Variants in PALM2AKAP2 observed in about 807,000 individuals in gnomAD.
PALM2AKAP2 encodes the protein PALM2-AKAP2 fusion protein.
A neutral mutation model predicts 71.5 loss-of-function variants in PALM2AKAP2; 37 were observed. That is an observed-to-expected ratio of 0.52 (90% confidence interval 0.40 to 0.68). The LOEUF (loss-of-function observed/expected upper bound fraction) is 0.68. PALM2AKAP2 is among the 30% of genes least tolerant of loss of function. The pLI is 0.00. For missense variants in PALM2AKAP2, 1,224 were observed against 1,191.8 expected (o/e 1.03, Z -0.40); for synonymous variants, 468 against 478.8 (o/e 0.98, Z 0.29).
chr9:110,107,286 G>A (rs549257385), intron 1 of PALM2AKAP2, among the ~76,000 whole-genome samples: 2 of 152,254 alleles, frequency 1.3e-5, no homozygotes, highest in South Asian at 4.1e-4. Flanking sequence ...TCAAGATGAT[G>A]AATATGTTAA....
At position 109,665,485 on chromosome 9, in the gene PALM2AKAP2, C is replaced by T. The variant is rs148756050; in HGVS notation, c.5+24619C>T. On this transcript the variant is annotated intron_variant, in intron 1 of 6. Transcript: ENST00000374531. ...GTTGGAGTTTGCTAGAGTTGCACTC[C>T]GGACACTGTTTGCCTGGGTATCGCC... Among the ~76,000 whole-genome samples the T allele has an allele frequency of 2.4e-4, 36 of 152,272 alleles. No homozygotes were observed. The Middle Eastern group carries it at 0.014, about 58-fold the overall frequency.
rs772141961 is a variant in PALM2AKAP2, at chr9:110,096,004, G to A, written c.157-40123G>A. The stretch of plus-strand genomic sequence containing the variant: ...CATCAGCCCTGTGATATCTACAAGC[G>A]CATGCATGTGTCTGAGTGAAGTGAG... On this transcript the variant is annotated intron_variant, in intron 1 of 3. Coordinates refer to ENST00000374525, the Ensembl canonical transcript of PALM2AKAP2. 3.9e-5 allele frequency among the ~76,000 whole-genome samples: 6 copies of A among 152,318 alleles called. 2 individuals carry two copies. In the South Asian group the frequency reaches 8.3e-4, roughly 21 times the overall value.
chr9:109,691,159 C>A (rs1403491252), intron 1 of PALM2AKAP2, among the ~76,000 whole-genome samples: 1 of 130,436 alleles, frequency 7.7e-6, no homozygotes, highest in African/African-American at 3.0e-5. Context: ...ACCAATGTTG[C>A]ATTACTTTGA....
intron 3 of PALM2AKAP2, among the ~76,000 whole-genome samples, chr9:109,913,787 G>A (rs1830624785): frequency 6.9e-6 from 1 of 145,904 alleles, no homozygotes. Flanking sequence ...GACGGAGTCT[G>A]GCTCTGTTGC....
chr9:109,852,375 C>CT (rs1829044174), intron 1 of PALM2AKAP2, among the ~76,000 whole-genome samples: 1 of 152,170 alleles, frequency 6.6e-6, no homozygotes, highest in Non-Finnish European at 1.5e-5. Context: ...TGATTTCATT[C>CT]TTTTTTATGG....
At chr9:109,938,180 A>T (rs920089462) in intron 6 of PALM2AKAP2, among the ~76,000 whole-genome samples, 1 of 152,240 alleles carries the variant, frequency 6.6e-6, no homozygotes, top group Admixed American at 6.5e-5. Context: ...ATGCTTTTGT[A>T]TATTATTGGC....
intron 7 of PALM2AKAP2, among the ~76,000 whole-genome samples, chr9:110,030,536 C>G (rs560199824): frequency 6.6e-6 from 1 of 152,248 alleles, no homozygotes; most frequent in Admixed American, 6.5e-5. Context: ...TCTTCAGGTT[C>G]AGAATATCAA....
chr9:109,891,358 CCTT>C (rs1383455768), intron 3 of PALM2AKAP2, among the ~76,000 whole-genome samples: 2 of 152,194 alleles, frequency 1.3e-5, no homozygotes, highest in Admixed American at 6.5e-5. Flanking sequence ...CCACGTGCCT[CCTT>C]CTTGTTGGTC....
intron 1 of PALM2AKAP2, among the ~76,000 whole-genome samples, chr9:109,805,894 A>G (rs1008959987): frequency 5.3e-5 from 8 of 152,220 alleles, no homozygotes; most frequent in African/African-American, 1.9e-4. Flanking sequence ...CAGATCAAAC[A>G]TAGTAGCCTG....
At chr9:110,028,336 G>A (rs1833217825) in intron 7 of PALM2AKAP2, among the ~76,000 whole-genome samples, 1 of 151,540 alleles carries the variant, frequency 6.6e-6, no homozygotes, top group East Asian at 1.9e-4. Flanking sequence ...TTCGTGGCAA[G>A]TGAATAATCT....
chr9:109,645,342 C>T (rs1377502224), intron 1 of PALM2AKAP2, among the ~76,000 whole-genome samples: 1 of 152,090 alleles, frequency 6.6e-6, no homozygotes, highest in Non-Finnish European at 1.5e-5. Context: ...GAAAGGCCTG[C>T]CCCCATGATT....
chr9:110,146,392 G>A (rs1433592353), intron 2 of PALM2AKAP2, among the ~76,000 whole-genome samples: 1 of 152,128 alleles, frequency 6.6e-6, no homozygotes, highest in African/African-American at 2.4e-5. Context: ...GTGTGTCTGG[G>A]TTGGCTCCTG....
chr9:109,884,456 A>G (rs1011310884), intron 3 of PALM2AKAP2, among the ~76,000 whole-genome samples: 4 of 152,178 alleles, frequency 2.6e-5, no homozygotes, highest in Non-Finnish European at 4.4e-5. Flanking sequence ...GTGAGACTAC[A>G]TTTCAAAGAA....
chr9:109,914,713 T>C (rs892687774), intron 3 of PALM2AKAP2, among the ~76,000 whole-genome samples: 1 of 152,216 alleles, frequency 6.6e-6, no homozygotes, highest in Non-Finnish European at 1.5e-5. Flanking sequence ...TTACTGAGAT[T>C]CAAACCCATG....
chr9:110,060,981 GC>G (rs1202400748), intron 1 of PALM2AKAP2, among the ~76,000 whole-genome samples: 2 of 152,068 alleles, frequency 1.3e-5, no homozygotes, highest in Non-Finnish European at 2.9e-5. Context: ...AATTTTGAAG[GC>G]AATCTCTGCC....
At chr9:109,976,193 T>A (rs1300629672) in intron 6 of PALM2AKAP2, among the ~76,000 whole-genome samples, 2 of 152,278 alleles carry the variant, frequency 1.3e-5, no homozygotes, top group Middle Eastern at 3.4e-3. Flanking sequence ...CACTACAGAG[T>A]GCCAGGCACT....
intron 3 of PALM2AKAP2, among the ~76,000 whole-genome samples, chr9:109,915,274 T>C (rs1830659360): frequency 6.6e-6 from 1 of 152,174 alleles, no homozygotes; most frequent in Non-Finnish European, 1.5e-5. Flanking sequence ...GCTCCCCATG[T>C]GTGGAGAAGT....
chr9:109,867,483 T>C lies in PALM2AKAP2; in HGVS notation c.46-8T>C. On this transcript the variant is annotated splice_polypyrimidine_tract_variant and splice_region_variant and intron_variant, in intron 1 of 9. Transcript: ENST00000302798. ...CACTCTTACAGCCTCTGTCTCTTTA[T>C]TTTCAAGGAAAAAAGAAAGAGGCAG... is the stretch of plus-strand genomic sequence containing the variant. 6.2e-7 allele frequency: 1 copy of C among 1,610,912 alleles called. No individual in the cohort carries two copies. The highest frequency in any genetic ancestry group is 1.1e-5 in the South Asian group (1 of 90,896).
chr9:110,079,840 C>T (rs1426957294), intron 1 of PALM2AKAP2, among the ~76,000 whole-genome samples: 8 of 151,808 alleles, frequency 5.3e-5, no homozygotes, highest in African/African-American at 1.9e-4. Context: ...GAGGCCAAGG[C>T]GTGCAGAAAA....
Sources: allele counts gnomAD v4.1 joint callset (sites outside exome capture counted in the v4.1 genomes callset), GRCh38; gene constraint gnomAD v4.1.1; transcripts MANE v1.5; gene names NCBI Gene and HGNC (gene_info 2026-07-23, HGNC 2026-07-21).